The following SORCS2 variants were observed in gnomAD, a reference collection of about 807,000 sequenced individuals.
SORCS2 encodes the protein VPS10 domain-containing receptor SorCS2.
SORCS2 carries 100 observed loss-of-function variants against 141.6 expected under a neutral mutation model. The ratio of observed to expected loss-of-function variants is 0.71; its 90% confidence interval spans 0.60 to 0.83. The LOEUF is 0.83. Among genes scored for constraint, SORCS2 ranks in the 40% least tolerant of loss-of-function variants. SORCS2 has a pLI of 0.00. For missense variants in SORCS2, 1,646 were observed against 1,560.2 expected (o/e 1.05, Z -0.93); for synonymous variants, 789 against 676.9 (o/e 1.17, Z -2.57).
At chr4:7,653,899 C>T (rs1560458639) in intron 4 of SORCS2, among the ~76,000 whole-genome samples, 1 of 152,206 alleles carries the variant, frequency 6.6e-6, no homozygotes. Flanking sequence ...TGGATTTCAC[C>T]CTGGAGAACC....
At chr4:7,582,988 C>T (rs949900379) in intron 3 of SORCS2, among the ~76,000 whole-genome samples, 1 of 150,644 alleles carries the variant, frequency 6.6e-6, no homozygotes, top group African/African-American at 2.4e-5. Context: ...GGACTTGGCA[C>T]ATAGTAGCTG....
chr4:7,222,248 C>A (rs938316634), intron 1 of SORCS2, among the ~76,000 whole-genome samples: 2 of 152,180 alleles, frequency 1.3e-5, no homozygotes, highest in Admixed American at 1.3e-4. Context: ...AAATGTCCAG[C>A]AACAGACACG....
chr4:7,629,999 C>T (rs937731554), intron 3 of SORCS2, among the ~76,000 whole-genome samples: 1 of 152,200 alleles, frequency 6.6e-6, no homozygotes, highest in Non-Finnish European at 1.5e-5. Flanking sequence ...CTCTCCCCTC[C>T]AGTTCTCCTA....
At chr4:7,223,294 C>T (rs941820105) in intron 1 of SORCS2, among the ~76,000 whole-genome samples, 23 of 38,738 alleles carry the variant, frequency 5.9e-4, no homozygotes, top group African/African-American at 2.9e-3. Context: ...AGTGTATATG[C>T]GCACACACAC....
intron 1 of SORCS2, among the ~76,000 whole-genome samples, chr4:7,313,501 G>A (rs543833415): frequency 4.6e-5 from 7 of 152,338 alleles, no homozygotes; most frequent in South Asian, 2.1e-4. Flanking sequence ...TCACTGGAGC[G>A]GAGGTCGGGG....
chr4:7,549,798 A>G (rs1314846295), intron 3 of SORCS2, among the ~76,000 whole-genome samples: 1 of 152,146 alleles, frequency 6.6e-6, no homozygotes, highest in East Asian at 1.9e-4. Flanking sequence ...CCAGCACCGT[A>G]TCTTATCCCT....
At chr4:7,616,621 G>T (rs994322515) in intron 3 of SORCS2, among the ~76,000 whole-genome samples, 1 of 152,308 alleles carries the variant, frequency 6.6e-6, no homozygotes, top group Admixed American at 6.5e-5. Flanking sequence ...GTCACACCAA[G>T]CCCAAAAGTG....
chr4:7,486,288 G>A (rs1730978946), intron 2 of SORCS2, among the ~76,000 whole-genome samples: 1 of 152,288 alleles, frequency 6.6e-6, no homozygotes, highest in Non-Finnish European at 1.5e-5. Flanking sequence ...CCCACAGTCA[G>A]CTGGGTCCTC....
intron 1 of SORCS2, among the ~76,000 whole-genome samples, chr4:7,322,740 A>G (rs963051669): frequency 6.6e-6 from 1 of 152,136 alleles, no homozygotes; most frequent in African/African-American, 2.4e-5. Flanking sequence ...CCTTCTCGGG[A>G]GAGTTTGTGC....
At chr4:7,404,744 C>T (rs1724868843) in intron 2 of SORCS2, among the ~76,000 whole-genome samples, 1 of 152,116 alleles carries the variant, frequency 6.6e-6, no homozygotes, top group African/African-American at 2.4e-5. Flanking sequence ...CTTATAAAGT[C>T]TGGATATTAA....
intron 15 of SORCS2, among the ~76,000 whole-genome samples, chr4:7,713,879 C>T (rs1010057680): frequency 6.6e-6 from 1 of 152,194 alleles, no homozygotes; most frequent in East Asian, 1.9e-4. Context: ...CCTGATTGTC[C>T]CCTGAGGACC....
intron 24 of SORCS2, 131 bp from the exon 25 acceptor site, chr4:7,734,141 C>A: frequency 1.6e-6 from 1 of 609,150 alleles, no homozygotes; most frequent in Non-Finnish European, 2.8e-6. Context: ...GGGCCAGGGA[C>A]AGGCAGGGGA....
chr4:7,691,790 C>T (rs572955729), intron 11 of SORCS2, among the ~76,000 whole-genome samples: 1 of 152,094 alleles, frequency 6.6e-6, no homozygotes, highest in Non-Finnish European at 1.5e-5. Context: ...TTCGCTGAAA[C>T]CCCAAATTCT....
intron 2 of SORCS2, among the ~76,000 whole-genome samples, chr4:7,522,096 G>GA (rs935842031): frequency 2.6e-5 from 4 of 152,144 alleles, no homozygotes; most frequent in Non-Finnish European, 4.4e-5. Context: ...TGTTCAGATA[G>GA]AAAAAAATCC....
intron 9 of SORCS2, among the ~76,000 whole-genome samples, chr4:7,681,159 G>T (rs563268456): frequency 4.6e-5 from 7 of 152,280 alleles, no homozygotes; most frequent in Non-Finnish European, 1.0e-4. Context: ...TCAGGGGAGG[G>T]ACTGCACTGG....
intron 1 of SORCS2, among the ~76,000 whole-genome samples, chr4:7,316,242 CCATCCATCCATG>C (rs1347933934): frequency 1.3e-5 from 2 of 152,150 alleles, no homozygotes; most frequent in African/African-American, 2.4e-5. Flanking sequence ...ATCCATCCAT[CCATCCATCCATG>C]CATCCATTCG....
intron 4 of SORCS2, among the ~76,000 whole-genome samples, chr4:7,650,800 T>C (rs1577897282): frequency 1.4e-5 from 2 of 146,074 alleles, no homozygotes; most frequent in South Asian, 4.3e-4. Context: ...CAGCTGCACC[T>C]GTGAGGCGGC....
chr4:7,512,829 T>G (rs555064470), intron 2 of SORCS2, among the ~76,000 whole-genome samples: 1 of 152,196 alleles, frequency 6.6e-6, no homozygotes, highest in Admixed American at 6.5e-5. Context: ...TTCATCTCTG[T>G]AAGGCCAGAA....
At chr4:7,493,154 T>C (rs1489659189) in intron 2 of SORCS2, among the ~76,000 whole-genome samples, 1 of 152,126 alleles carries the variant, frequency 6.6e-6, no homozygotes, top group Non-Finnish European at 1.5e-5. Flanking sequence ...TCTGTATTGG[T>C]AGAGGGGAAA....
Sources: gnomAD v4.1 joint callset for allele counts (sites outside exome capture counted in the v4.1 genomes callset) on GRCh38, gnomAD v4.1.1 for gene constraint, MANE v1.5 for transcripts, NCBI Gene and HGNC (gene_info 2026-07-23, HGNC 2026-07-21) for gene names.